GPC4: variants seen among roughly 807,000 people sequenced by gnomAD.
GPC4 encodes glypican 4.
GPC4 carries 10 observed loss-of-function variants against 35.0 expected under a neutral mutation model. The observed-to-expected ratio is 0.29, with a 90% CI of 0.18 to 0.48. GPC4 has a LOEUF of 0.48. GPC4 is among the 20% of genes least tolerant of loss of function. The pLI is 0.99. For missense variants in GPC4, 322 were observed against 451.3 expected (o/e 0.71, Z 2.60); for synonymous variants, 167 against 170.2 (o/e 0.98, Z 0.15).
chrX:133,323,189 A>AGTCTATCGGC (rs1184253124), intron 3 of GPC4, among the ~76,000 whole-genome samples: 1 of 111,624 alleles, frequency 9.0e-6, no homozygotes, highest in East Asian at 2.8e-4. Context: ...TCAAGAACAG[A>AGTCTATCGGC]GTCTATCGGC....
intron 1 of GPC4, among the ~76,000 whole-genome samples, chrX:133,390,149 G>A (rs183153982): frequency 9.0e-6 from 1 of 110,739 alleles, no homozygotes; most frequent in Non-Finnish European, 1.9e-5. Context: ...GCTACCGGTC[G>A]AACTCCAGCT....
intron 1 of GPC4, among the ~76,000 whole-genome samples, chrX:133,413,308 G>A (rs1158445890): frequency 2.7e-5 from 3 of 112,315 alleles, no homozygotes; most frequent in Non-Finnish European, 5.6e-5. Flanking sequence ...CCAAGGTGCA[G>A]TGGGCGCCTG....
chrX:133,313,691 A>G (rs146912572), intron 3 of GPC4, among the ~76,000 whole-genome samples: 3,557 of 111,834 alleles, frequency 0.032, 69 homozygotes, highest in Non-Finnish European at 0.053. Flanking sequence ...CATTTGATAG[A>G]TAAGAAAAAC....
chrX:133,354,534 G>T (rs1054512001), intron 1 of GPC4, among the ~76,000 whole-genome samples: 32 of 100,343 alleles, frequency 3.2e-4, no homozygotes, highest in Admixed American at 1.9e-3. Context: ...ACCATGCAAG[G>T]TCATGTTTTA....
Position 133,301,156 on chromosome X carries a change from T to G in GPC4, c.*1711A>C, listed in dbSNP as rs2124100167. The G allele has an allele frequency of 8.9e-6, 1 of 112,513 alleles. No homozygotes were observed. The highest frequency in any genetic ancestry group is 3.2e-5 in the African/African-American group (1 of 30,968). The allele number at this position is 112,513 out of a possible 1,213,427, so 9.3% of individuals were successfully genotyped here. A position where few individuals can be genotyped will look rare whatever the true frequency, so the allele number is the denominator to read the frequency against. ...TTTGACCACTCTGCAGAATTTGGTG[T>G]AAAAAGTTGAATGAAATGTAGACCC... is the stretch of plus-strand genomic sequence containing the variant. On this transcript the variant is annotated 3_prime_UTR_variant, in exon 9 of 9. Coordinates refer to ENST00000370828, the MANE Select transcript of GPC4 (RefSeq NM_001448.3).
intron 1 of GPC4, among the ~76,000 whole-genome samples, chrX:133,355,248 T>C (rs930914497): frequency 2.7e-5 from 3 of 112,207 alleles, no homozygotes; most frequent in Non-Finnish European, 3.8e-5. Context: ...AGAATGACTA[T>C]ACTAGAACTG....
intron 2 of GPC4, among the ~76,000 whole-genome samples, chrX:133,335,553 G>T (rs969241158): frequency 1.8e-5 from 2 of 111,139 alleles, no homozygotes; most frequent in African/African-American, 6.5e-5. Flanking sequence ...GAAATTAAAA[G>T]TACAGAATAA....
intron 4 of GPC4, among the ~76,000 whole-genome samples, chrX:133,306,597 T>C (rs1214116592): frequency 8.9e-6 from 1 of 112,078 alleles, no homozygotes; most frequent in East Asian, 2.8e-4. Context: ...TCAGTTAAGA[T>C]GCTGGCATAT....
intron 1 of GPC4, among the ~76,000 whole-genome samples, chrX:133,368,880 A>T (rs1262864442): frequency 9.0e-6 from 1 of 111,123 alleles, no homozygotes; most frequent in African/African-American, 3.3e-5. Flanking sequence ...TCCTGACCTC[A>T]GGTGATCTGC....
At chrX:133,413,615 C>T (rs1282282959) in intron 1 of GPC4, among the ~76,000 whole-genome samples, 2 of 91,267 alleles carry the variant, frequency 2.2e-5, no homozygotes, top group Admixed American at 1.1e-4. Flanking sequence ...ATGAAAGGTT[C>T]GGAGTGGAGG....
intron 1 of GPC4, among the ~76,000 whole-genome samples, chrX:133,397,557 A>G (rs939718381): frequency 4.9e-5 from 5 of 102,145 alleles, no homozygotes; most frequent in Admixed American, 3.2e-4. Context: ...ACCTTGTCTC[A>G]AAAAAAAAAA....
At chrX:133,304,898 G>GT in intron 6 of GPC4, 37 bp from the exon 7 acceptor site, 1 of 1,191,879 alleles carries the variant, frequency 8.4e-7, no homozygotes, top group Non-Finnish European at 1.1e-6. Flanking sequence ...AAAGATCATT[G>GT]TAAGACAAGA....
intron 4 of GPC4, 34 bp from the exon 5 acceptor site, chrX:133,306,188 TA>T: frequency 6.7e-6 from 8 of 1,202,611 alleles, no homozygotes; most frequent in Non-Finnish European, 9.0e-6. Flanking sequence ...CAATACAGCA[TA>T]AAAAGTCAAT....
chrX:133,314,438 T>C (rs1156506639), intron 3 of GPC4, among the ~76,000 whole-genome samples: 1 of 111,321 alleles, frequency 9.0e-6, no homozygotes, highest in African/African-American at 3.3e-5. Context: ...TAGAGTTTTA[T>C]TAAGGGAAAT....
intron 2 of GPC4, among the ~76,000 whole-genome samples, chrX:133,333,484 A>G (rs187218607): frequency 8.8e-6 from 1 of 113,177 alleles, no homozygotes; most frequent in East Asian, 2.8e-4. Flanking sequence ...ACCTTTGTCA[A>G]TAGAGAAATG....
intron 1 of GPC4, among the ~76,000 whole-genome samples, chrX:133,403,994 G>A (rs2068776387): frequency 9.0e-6 from 1 of 111,260 alleles, no homozygotes; most frequent in Admixed American, 9.6e-5. Flanking sequence ...ACCATGCCCA[G>A]CCAAGCTTTG....
At chrX:133,366,549 T>C (rs2068590837) in intron 1 of GPC4, among the ~76,000 whole-genome samples, 1 of 111,592 alleles carries the variant, frequency 9.0e-6, no homozygotes, top group South Asian at 3.9e-4. Flanking sequence ...AAATGATTTA[T>C]AATAGGATGG....
chrX:133,379,767 A>G (rs996547235), intron 1 of GPC4, among the ~76,000 whole-genome samples: 1 of 111,204 alleles, frequency 9.0e-6, no homozygotes, highest in African/African-American at 3.3e-5. Flanking sequence ...TGGCACATAG[A>G]AAGTGCTTAA....
intron 1 of GPC4, among the ~76,000 whole-genome samples, chrX:133,402,736 C>A (rs2068771390): frequency 9.1e-6 from 1 of 110,350 alleles, no homozygotes; most frequent in South Asian, 3.9e-4. Flanking sequence ...AAACCCGTCT[C>A]TACTAAAAAT....
Sources: allele counts gnomAD v4.1 joint callset (sites outside exome capture counted in the v4.1 genomes callset), GRCh38; gene constraint gnomAD v4.1.1; transcripts MANE v1.5; gene names NCBI Gene and HGNC (gene_info 2026-07-23, HGNC 2026-07-21).